PPFIA2: variants seen among roughly 807,000 people sequenced by gnomAD.
PPFIA2 encodes the protein PPFI scaffold protein A2.
A neutral mutation model predicts 175.5 loss-of-function variants in PPFIA2; 46 were observed. The observed-to-expected ratio is 0.26, with a 90% CI of 0.21 to 0.34. The LOEUF (loss-of-function observed/expected upper bound fraction) is 0.34, where lower values mean the gene tolerates loss of function less well. Among genes scored for constraint, PPFIA2 ranks in the 10% least tolerant of loss-of-function variants. PPFIA2 has a pLI of 1.00. For missense variants in PPFIA2, 1,179 were observed against 1,506.1 expected (o/e 0.78, Z 3.60); for synonymous variants, 568 against 511.4 (o/e 1.11, Z -1.49).
chr12:81,694,050 CTAAGATTGGAATT>C (rs1311170187), intron 3 of PPFIA2, among the ~76,000 whole-genome samples: 2 of 151,928 alleles, frequency 1.3e-5, no homozygotes, highest in Admixed American at 1.3e-4. Context: ...AAAAAATGAC[CTAAGATTGGAATT>C]TATGTTTAAA....
intron 4 of PPFIA2, among the ~76,000 whole-genome samples, chr12:81,537,410 T>C (rs1383099727): frequency 6.6e-6 from 1 of 151,774 alleles, no homozygotes. Flanking sequence ...AAAAAGAAAG[T>C]ATGGCCCTAA....
intron 22 of PPFIA2, among the ~76,000 whole-genome samples, chr12:81,305,679 G>A (rs923449761): frequency 2.6e-5 from 4 of 152,038 alleles, no homozygotes; most frequent in Admixed American, 6.6e-5. Flanking sequence ...CTGGTAGGCC[G>A]TTCACCGTAT....
chr12:81,409,903 T>C (rs1253171595), intron 7 of PPFIA2, among the ~76,000 whole-genome samples: 2 of 152,164 alleles, frequency 1.3e-5, no homozygotes, highest in African/African-American at 2.4e-5. Context: ...TGGGGACAAC[T>C]GCTATGGTTT....
At position 81,347,515 on chromosome 12, in the gene PPFIA2, C is replaced by T; in HGVS notation, c.2232+18G>A. 6.4e-7 allele frequency: 1 copy of T among 1,568,188 alleles called. No individual in the cohort carries two copies. The highest frequency in any genetic ancestry group is 8.8e-7 in the Non-Finnish European group (1 of 1,138,438). On this transcript the variant is annotated intron_variant, in intron 18 of 32. Coordinates refer to ENST00000549396, the MANE Select transcript of PPFIA2 (RefSeq NM_003625.5). ...AATCTTAACAGGAGGCAAAGGTTCT[C>T]TGGACACATCACCATACCAGTGTCA... is the stretch of plus-strand genomic sequence containing the variant.
intron 3 of PPFIA2, among the ~76,000 whole-genome samples, chr12:81,697,096 A>T (rs1275067343): frequency 6.7e-6 from 1 of 148,592 alleles, no homozygotes; most frequent in Non-Finnish European, 1.5e-5. Context: ...TTACTAGAAA[A>T]TGTAGATCTC....
chr12:81,641,680 CCA>C (rs1036563937), intron 4 of PPFIA2, among the ~76,000 whole-genome samples: 40 of 152,216 alleles, frequency 2.6e-4, no homozygotes, highest in African/African-American at 9.6e-4. Flanking sequence ...TGACAACTGA[CCA>C]CAGTCATATA....
chr12:81,494,529 A>G (rs1334660154), intron 4 of PPFIA2, among the ~76,000 whole-genome samples: 1 of 151,742 alleles, frequency 6.6e-6, no homozygotes, highest in Non-Finnish European at 1.5e-5. Context: ...TGTGGAAGTC[A>G]GTGTGGCGAT....
chr12:81,571,556 A>G (rs1318730167), intron 4 of PPFIA2, among the ~76,000 whole-genome samples: 1 of 152,108 alleles, frequency 6.6e-6, no homozygotes, highest in Non-Finnish European at 1.5e-5. Context: ...ATCTGGAAGT[A>G]GTTTAACAAG....
intron 28 of PPFIA2, among the ~76,000 whole-genome samples, chr12:81,273,498 T>G (rs1047596135): frequency 6.6e-6 from 1 of 152,218 alleles, no homozygotes; most frequent in Non-Finnish European, 1.5e-5. Context: ...TATTGATTTA[T>G]CTATCCTTTC....
chr12:81,394,867 T>C (rs2142395112), intron 8 of PPFIA2, among the ~76,000 whole-genome samples: 1 of 151,896 alleles, frequency 6.6e-6, no homozygotes. Flanking sequence ...GTATATTGTA[T>C]TCTGAAAATA....
chr12:81,685,726 G>C (rs1356125224), intron 3 of PPFIA2, among the ~76,000 whole-genome samples: 1 of 151,980 alleles, frequency 6.6e-6, no homozygotes, highest in Non-Finnish European at 1.5e-5. Flanking sequence ...AACAGACAGG[G>C]GTTGTGGTGT....
At chr12:81,379,156 TA>T (rs1304047285) in intron 9 of PPFIA2, among the ~76,000 whole-genome samples, 6 of 152,240 alleles carry the variant, frequency 3.9e-5, no homozygotes, top group Admixed American at 3.3e-4. Context: ...TTGCCAAAAA[TA>T]AACTGGATTT....
intron 14 of PPFIA2, 74 bp from the exon 15 acceptor site, chr12:81,362,858 T>C: frequency 1.1e-6 from 1 of 902,126 alleles, no homozygotes; most frequent in Non-Finnish European, 1.7e-6. Flanking sequence ...GTCTTAATGA[T>C]TTTTTTTAAA....
chr12:81,754,021 G>A lies in PPFIA2; in HGVS notation c.201C>T (p.Ile67=). 2 of 1,613,918 alleles carry A rather than the reference G, an allele frequency of 1.2e-6. No individual in the cohort carries two copies. The highest frequency in any genetic ancestry group is 1.7e-6 in the Non-Finnish European group (2 of 1,179,874). The change falls in exon 3 of 33, where the codon ATC becomes ATT. Residue 67 remains isoleucine, a synonymous_variant. Transcript: ENST00000549396. ...SLAQQRLQDV[I]YDRDSLQRQL... ...GTCTCTGGAGTGAGTCTCGGTCATA[G>A]ATGACATCCTGAAGTCTTTGCTGGG...
intron 3 of PPFIA2, among the ~76,000 whole-genome samples, chr12:81,688,627 T>C (rs923000894): frequency 1.3e-5 from 2 of 150,988 alleles, no homozygotes; most frequent in African/African-American, 2.4e-5. Context: ...GAGATTAGCC[T>C]ATCGGAAGTG....
intron 19 of PPFIA2, among the ~76,000 whole-genome samples, chr12:81,344,457 T>C (rs909868693): frequency 6.6e-6 from 1 of 151,396 alleles, no homozygotes; most frequent in Non-Finnish European, 1.5e-5. Flanking sequence ...ATGGTTCTTA[T>C]AATCTAATTA....
At chr12:81,475,772 G>C (rs923171948) in intron 4 of PPFIA2, among the ~76,000 whole-genome samples, 1 of 152,288 alleles carries the variant, frequency 6.6e-6, no homozygotes, top group East Asian at 1.9e-4. Flanking sequence ...GAGTGTAGTG[G>C]CGCGATCTCG....
At chr12:81,679,173 A>G (rs946688204) in intron 3 of PPFIA2, among the ~76,000 whole-genome samples, 22 of 151,958 alleles carry the variant, frequency 1.4e-4, no homozygotes, top group Admixed American at 1.1e-3. Flanking sequence ...TTAGATTTAC[A>G]GAAAATAAAA....
chr12:81,741,748 C>T (rs1322634818), intron 3 of PPFIA2, among the ~76,000 whole-genome samples: 3 of 151,670 alleles, frequency 2.0e-5, no homozygotes, highest in Admixed American at 6.6e-5. Flanking sequence ...ATTGGACACC[C>T]CTGCCTGACC....
Sources: allele counts gnomAD v4.1 joint callset (sites outside exome capture counted in the v4.1 genomes callset), GRCh38; gene constraint gnomAD v4.1.1; transcripts MANE v1.5; gene names NCBI Gene and HGNC (gene_info 2026-07-23, HGNC 2026-07-21).